The following CYP24A1 variants were observed in gnomAD, a reference collection of about 807,000 sequenced individuals.
CYP24A1 encodes cytochrome P450 family 24 subfamily A member 1.
In CYP24A1, 68 loss-of-function variants were observed where a neutral mutation model predicts 62.4. That is an observed-to-expected ratio of 1.09 (90% confidence interval 0.90 to 1.33). The LOEUF (loss-of-function observed/expected upper bound fraction) is 1.33. CYP24A1 is among the 40% of genes most tolerant of loss of function. The pLI, the probability that CYP24A1 is intolerant of heterozygous loss-of-function variation, is 0.00. For missense variants in CYP24A1, 787 were observed against 653.0 expected (o/e 1.21, Z -2.24); for synonymous variants, 267 against 253.0 (o/e 1.06, Z -0.52).
chr20:54,153,145 A>G (rs907092120), downstream of CYP24A1, among the ~76,000 whole-genome samples: 1 of 152,162 alleles, frequency 6.6e-6, no homozygotes, highest in African/African-American at 2.4e-5. Flanking sequence ...ACAGGCTCCC[A>G]GGCCGTTCTA....
At position 54,171,688 on chromosome 20, in the gene CYP24A1, A is replaced by G. The variant is rs371129876; in HGVS notation, c.450-18T>C. Reference sequence around the variant, plus strand: ...CCCCTTCCCTGTGAGAGAAGCAGGAATACATTTAGAGCACACTGAAAAGAA... The same window carrying G: ...CCCCTTCCCTGTGAGAGAAGCAGGAGTACATTTAGAGCACACTGAAAAGAA... On this transcript the variant is annotated intron_variant, in intron 2 of 11. Coordinates refer to ENST00000216862, the MANE Select transcript of CYP24A1 (RefSeq NM_000782.5). 21 of 1,613,904 alleles carry G rather than the reference A, an allele frequency of 1.3e-5. No individual in the cohort carries two copies. Among genetic ancestry groups the G allele is most frequent in the Non-Finnish European group, 1.8e-5 (21 of 1,179,936 alleles).
chr20:54,150,267 C>T (rs762662965), downstream of CYP24A1, among the ~76,000 whole-genome samples: 31 of 152,338 alleles, frequency 2.0e-4, no homozygotes, highest in Non-Finnish European at 3.7e-4. Flanking sequence ...TGCGCTTTCT[C>T]GCTAATGAAA....
chr20:54,155,961 G>T (rs1057393985), intron 11 of CYP24A1, among the ~76,000 whole-genome samples: 3 of 152,064 alleles, frequency 2.0e-5, no homozygotes, highest in African/African-American at 7.2e-5. Flanking sequence ...GCACCTGGTT[G>T]GTATATGGAC....
chr20:54,151,855 G>C (rs949566167), downstream of CYP24A1, among the ~76,000 whole-genome samples: 16 of 151,848 alleles, frequency 1.1e-4, no homozygotes, highest in African/African-American at 2.2e-4. Context: ...AGATTACTGA[G>C]CACCTCTGTG....
intron 4 of CYP24A1, among the ~76,000 whole-genome samples, chr20:54,166,848 A>G (rs1239192681): frequency 2.0e-5 from 3 of 152,142 alleles, no homozygotes; most frequent in South Asian, 2.1e-4. Flanking sequence ...CCTGGGCAAC[A>G]TGGCAAAACG....
At chr20:54,150,234 G>C (rs1451090569), downstream of CYP24A1, among the ~76,000 whole-genome samples, 3 of 152,202 alleles carry the variant, frequency 2.0e-5, no homozygotes, top group African/African-American at 7.2e-5. Context: ...TACTCTGGTT[G>C]ACTTTCAAAC....
At chr20:54,150,720 C>A (rs1038925084), downstream of CYP24A1, among the ~76,000 whole-genome samples, 2 of 152,196 alleles carry the variant, frequency 1.3e-5, no homozygotes, top group Non-Finnish European at 2.9e-5. Flanking sequence ...TTTACTTAAC[C>A]TCTCTGAGCC....
In CYP24A1 at chr20:54,157,601, GAC is replaced by G. The variant is rs1373945390; in HGVS notation, c.1237-18_1237-17del. On this transcript the variant is annotated splice_polypyrimidine_tract_variant and intron_variant, in intron 9 of 11. Coordinates refer to ENST00000216862, the MANE Select transcript of CYP24A1 (RefSeq NM_000782.5). ...TGAGCACTGTCTAAACACATGCAGAGACACATAGTATTTAAAATAACCAGAAG... is the reference window on the plus strand; with the variant it reads ...TGAGCACTGTCTAAACACATGCAGAGACATAGTATTTAAAATAACCAGAAG... The G allele has an allele frequency of 2.9e-6, 4 of 1,399,282 alleles. No individual in the cohort carries two copies. In the South Asian group the frequency reaches 4.6e-5, roughly 16 times the overall value. 86.7% of individuals were successfully genotyped at this position (1,399,282 alleles called of 1,614,324 possible).
At chr20:54,168,742 C>T (rs1364772119) in intron 4 of CYP24A1, among the ~76,000 whole-genome samples, 3 of 120,300 alleles carry the variant, frequency 2.5e-5, no homozygotes, top group Admixed American at 7.8e-5. Flanking sequence ...TTCCTTCCCT[C>T]CTTCCTTCCT....
At chr20:54,164,284 CT>C (rs1197216981) in intron 6 of CYP24A1, among the ~76,000 whole-genome samples, 167 bp downstream of exon 6, 1 of 152,156 alleles carries the variant, frequency 6.6e-6, no homozygotes, top group African/African-American at 2.4e-5. Context: ...CTACAGAAAG[CT>C]TGTTACTTAG....
At chr20:54,155,009 A>G (rs2092622406) in intron 11 of CYP24A1, 1 of 151,366 alleles carries the variant, frequency 6.6e-6, no homozygotes, top group East Asian at 2.0e-4. Flanking sequence ...TATATCAAAG[A>G]AGTGTATTTA....
Position 54,173,000 on chromosome 20 carries a change from G to C in CYP24A1, c.358C>G (p.Arg120Gly), listed in dbSNP as rs1471163292. 2 of 1,612,078 alleles carry C rather than the reference G, an allele frequency of 1.2e-6. No individual in the cohort carries two copies. The highest frequency in any genetic ancestry group is 1.1e-5 in the South Asian group (1 of 91,082). The stretch of plus-strand genomic sequence containing the variant: ...CGCTGCGGGTACGCGCTCTCGGTGC[G>C]GTACAGCGCTTCCAGCAGGCATGGC... ...GSPCLLEALY[R>G]TESAYPQRLE... Residue 120 changes from arginine (R) to glycine (G), a missense_variant, in exon 2 of 12, where the codon CGC becomes GGC. Physicochemically the swap from Arg to Gly is moderately radical, Grantham distance 125. Coordinates refer to ENST00000216862, the MANE Select transcript of CYP24A1 (RefSeq NM_000782.5).
At chr20:54,158,707 C>T (rs562116796) in intron 8 of CYP24A1, among the ~76,000 whole-genome samples, 1 of 152,104 alleles carries the variant, frequency 6.6e-6, no homozygotes, top group Admixed American at 6.5e-5. Flanking sequence ...GTGCTTACAG[C>T]GTTCATTAGA....
intron 7 of CYP24A1, among the ~76,000 whole-genome samples, chr20:54,160,740 C>T (rs1401588454): frequency 6.6e-6 from 1 of 152,234 alleles, no homozygotes; most frequent in African/African-American, 2.4e-5. Flanking sequence ...TTAACCATAT[C>T]AGTGAGTCCC....
At chr20:54,166,249 G>C (rs2092671508) in intron 4 of CYP24A1, among the ~76,000 whole-genome samples, 1 of 152,156 alleles carries the variant, frequency 6.6e-6, no homozygotes. Flanking sequence ...AGAAGGGAAG[G>C]GAATAATTAT....
At position 54,173,549 on chromosome 20, in the gene CYP24A1, G is replaced by A; in HGVS notation, c.31C>T (p.Leu11Phe). MSSPISKSRS[L>F]AAFLQQLRSP... ...CGCAGCTGCTGCAGGAAGGCGGCAA[G>A]CGAGCGGCTCTTGCTGATGGGGGAG... Residue 11 changes from leucine to phenylalanine, a missense_variant, in exon 1 of 12, where the codon CTT becomes TTT. Physicochemically the swap from Leu to Phe is conservative, Grantham distance 22 (BLOSUM62 0). Coordinates refer to ENST00000216862, the MANE Select transcript of CYP24A1 (RefSeq NM_000782.5). The surrounding 1 kb of genome is among the most constrained non-coding windows in gnomAD (Gnocchi z 7.2). The A allele has an allele frequency of 4.4e-6, 7 of 1,582,554 alleles. No individual in the cohort carries two copies. The highest frequency in any genetic ancestry group is 6.0e-6 in the Non-Finnish European group (7 of 1,168,262).
chr20:54,165,914 C>T (rs748495204), intron 4 of CYP24A1, 81 bp from the exon 5 acceptor site: 14 of 855,220 alleles, frequency 1.6e-5, no homozygotes, highest in African/African-American at 3.3e-5. Flanking sequence ...ATTAAAGACT[C>T]AATTCTATGC....
At chr20:54,169,533 A>G in intron 4 of CYP24A1, 59 bp downstream of exon 4, 1 of 1,612,544 alleles carries the variant, frequency 6.2e-7, no homozygotes. Flanking sequence ...CAAAAGAGCC[A>G]TGTTTTATCC....
chr20:54,151,306 C>T (rs1239329369), downstream of CYP24A1, among the ~76,000 whole-genome samples: 1 of 152,082 alleles, frequency 6.6e-6, no homozygotes, highest in Non-Finnish European at 1.5e-5. Flanking sequence ...TGCCTTTTAG[C>T]ATGTTAATAC....
Sources: allele counts gnomAD v4.1 joint callset (sites outside exome capture counted in the v4.1 genomes callset), GRCh38; gene constraint gnomAD v4.1.1; non-coding constraint Gnocchi (gnomAD v3.1); transcripts MANE v1.5; gene names NCBI Gene and HGNC (gene_info 2026-07-23, HGNC 2026-07-21).